CAST: variants seen among roughly 807,000 people sequenced by gnomAD.
CAST encodes the protein calpastatin, also known as MIR583 host.
Under a neutral mutation model 119.6 loss-of-function variants are expected in CAST, and 76 were observed. The ratio of observed to expected loss-of-function variants is 0.64; its 90% CI spans 0.53 to 0.77. The LOEUF is 0.77. CAST is among the 30% of genes least tolerant of loss of function. The pLI is 0.00. For synonymous variants in CAST, 319 were observed against 331.6 expected, an observed-to-expected ratio of 0.96 and a Z score of 0.41; for missense variants, 953 against 946.5, an observed-to-expected ratio of 1.01 and a Z score of -0.09.
chr5:96,053,796 T>G, the CAST span, among the ~76,000 whole-genome samples: 3 of 152,238 alleles, frequency 2.0e-5, no homozygotes, highest in Non-Finnish European at 4.4e-5. Context: ...CTGGGAATCA[T>G]TTACCTACTG....
At chr5:96,563,813 A>G (rs262000) in intron 1 of CAST, among the ~76,000 whole-genome samples, 44,804 of 152,114 alleles carry the variant, frequency 0.29, 7,484 homozygotes, top group Middle Eastern at 0.43. Context: ...GGCAGAGGAC[A>G]TTGGTGAGGT....
chr5:96,639,669 A>G (rs750986806), intron 1 of CAST, among the ~76,000 whole-genome samples: 4 of 152,234 alleles, frequency 2.6e-5, no homozygotes, highest in Non-Finnish European at 5.9e-5. Flanking sequence ...CAGGGACCAT[A>G]TCAACCTAAA....
chr5:96,323,343 G>A, the CAST span, among the ~76,000 whole-genome samples: 17 of 152,268 alleles, frequency 1.1e-4, no homozygotes, highest in African/African-American at 3.6e-4. Context: ...TTAAGCTTTG[G>A]TTTCCAGAGA....
the CAST span, among the ~76,000 whole-genome samples, chr5:96,401,941 ATCAG>A: frequency 1.3e-5 from 2 of 152,236 alleles, no homozygotes; most frequent in Admixed American, 1.3e-4. Context: ...GCTCCTAGTC[ATCAG>A]TCAGATTCTC....
chr5:96,698,620 A>G (rs977681537), intron 3 of CAST, among the ~76,000 whole-genome samples: 12 of 152,226 alleles, frequency 7.9e-5, no homozygotes, highest in African/African-American at 2.9e-4. Flanking sequence ...TCATAGCATT[A>G]TCCCTTAAGG....
the CAST span, among the ~76,000 whole-genome samples, chr5:96,159,660 A>T: frequency 3.9e-5 from 6 of 151,994 alleles, no homozygotes; most frequent in East Asian, 1.9e-4. Context: ...TATAAACTTA[A>T]TTTTTTTTAG....
intron 1 of CAST, among the ~76,000 whole-genome samples, chr5:96,625,093 C>T (rs1747693363): frequency 6.6e-6 from 1 of 152,166 alleles, no homozygotes; most frequent in African/African-American, 2.4e-5. Flanking sequence ...TCTTTGAACT[C>T]ACATTAATAT....
the CAST span, among the ~76,000 whole-genome samples, chr5:96,363,948 A>G: frequency 0.01 from 1,565 of 152,288 alleles, 26 homozygotes; most frequent in African/African-American, 0.036. Flanking sequence ...TTGCCCATTC[A>G]GTATGATATT....
chr5:96,546,875 A>G (rs1410462349), intron 1 of CAST, among the ~76,000 whole-genome samples: 1 of 152,192 alleles, frequency 6.6e-6, no homozygotes, highest in Non-Finnish European at 1.5e-5. Context: ...AAAATAGTGA[A>G]CCAATGTGAT....
chr5:96,406,427 A>T, the CAST span, among the ~76,000 whole-genome samples: 1 of 152,174 alleles, frequency 6.6e-6, no homozygotes, highest in Non-Finnish European at 1.5e-5. Flanking sequence ...GGAGGGCCCA[A>T]TATCTATTTC....
chr5:96,065,656 G>C, the CAST span, among the ~76,000 whole-genome samples: 4 of 152,074 alleles, frequency 2.6e-5, no homozygotes, highest in Admixed American at 2.6e-4. Flanking sequence ...AATAGAAATA[G>C]CATATTTGGT....
chr5:96,567,701 C>G (rs183931424), intron 1 of CAST, among the ~76,000 whole-genome samples: 315 of 152,266 alleles, frequency 2.1e-3, no homozygotes, highest in Non-Finnish European at 4.0e-3. Flanking sequence ...TGTATAGATG[C>G]CCATAGTACA....
chr5:96,346,998 T>G, the CAST span, among the ~76,000 whole-genome samples: 2 of 152,272 alleles, frequency 1.3e-5, no homozygotes, highest in African/African-American at 4.8e-5. Context: ...AAATGGTGTC[T>G]TCTTGAGAGA....
At chr5:96,749,733 G>A (rs1581258684) in intron 19 of CAST, among the ~76,000 whole-genome samples, 1 of 152,228 alleles carries the variant, frequency 6.6e-6, no homozygotes, top group African/African-American at 2.4e-5. Context: ...TTTCTGCAGA[G>A]CTGGGGTTTG....
chr5:96,702,344 T>G (rs1754010884), intron 3 of CAST, among the ~76,000 whole-genome samples: 1 of 152,198 alleles, frequency 6.6e-6, no homozygotes, highest in African/African-American at 2.4e-5. Flanking sequence ...TCAAATCTAT[T>G]CTAATTTTGA....
the CAST span, among the ~76,000 whole-genome samples, chr5:96,245,762 C>T: frequency 6.6e-6 from 1 of 152,050 alleles, no homozygotes; most frequent in Non-Finnish European, 1.5e-5. Flanking sequence ...AGTTTAAAGA[C>T]TTGGTCTATG....
the CAST span, among the ~76,000 whole-genome samples, chr5:96,350,331 A>G: frequency 6.6e-6 from 1 of 152,146 alleles, no homozygotes; most frequent in Non-Finnish European, 1.5e-5. Context: ...AGGTAGAGGA[A>G]TAGTCACTTA....
chr5:96,185,139 A>G, the CAST span, among the ~76,000 whole-genome samples: 2 of 152,166 alleles, frequency 1.3e-5, no homozygotes, highest in African/African-American at 4.8e-5. Flanking sequence ...GGCCACGTGT[A>G]TGTCTTCTTT....
At chr5:96,232,368 A>C in the CAST span, among the ~76,000 whole-genome samples, 1 of 152,150 alleles carries the variant, frequency 6.6e-6, no homozygotes, top group African/African-American at 2.4e-5. Context: ...CCTAGTTAAC[A>C]AAATAACATA....
Sources: gnomAD v4.1 joint callset for allele counts (sites outside exome capture counted in the v4.1 genomes callset) on GRCh38, gnomAD v4.1.1 for gene constraint, MANE v1.5 for transcripts, NCBI Gene and HGNC (gene_info 2026-07-23, HGNC 2026-07-21) for gene names.